Variants in USP38 observed in about 807,000 individuals in gnomAD.
USP38 encodes the protein ubiquitin carboxyl-terminal hydrolase 38.
USP38 carries 49 observed loss-of-function variants against 94.3 expected under a neutral mutation model. The ratio of observed to expected loss-of-function variants is 0.52; its 90% confidence interval spans 0.41 to 0.66. USP38 has a LOEUF of 0.66. USP38 is among the 30% of genes least tolerant of loss of function. The probability of loss-of-function intolerance (pLI) is 0.00; values close to 1 mark genes in which losing one functional copy is unlikely to be tolerated. For synonymous variants in USP38, 468 were observed against 463.6 expected, an observed-to-expected ratio of 1.01 and a Z score of -0.12; for missense variants, 1,128 against 1,229.4, an observed-to-expected ratio of 0.92 and a Z score of 1.23.
chr4:143,196,464 A>G (rs1232522533), intron 3 of USP38, among the ~76,000 whole-genome samples: 1 of 152,134 alleles, frequency 6.6e-6, no homozygotes, highest in Non-Finnish European at 1.5e-5. Context: ...CTCAAGAGTC[A>G]TTTCTCAGGC....
intron 2 of USP38, among the ~76,000 whole-genome samples, chr4:143,192,928 C>G (rs1405973648): frequency 6.6e-6 from 1 of 152,166 alleles, no homozygotes; most frequent in Non-Finnish European, 1.5e-5. Flanking sequence ...AAAAGGCTGA[C>G]TGAGTAATGA....
rs955170028 is a variant in USP38, at chr4:143,221,367, A to G, written c.*911A>G. 13 of 152,720 alleles carry G rather than the reference A, an allele frequency of 8.5e-5. No homozygotes were observed. Among genetic ancestry groups the G allele is most frequent in the Non-Finnish European group, 1.8e-4 (12 of 68,002 alleles). 9.5% of individuals were successfully genotyped at this position (152,720 alleles called of 1,614,324 possible). A position where few individuals can be genotyped will look rare whatever the true frequency, so the allele number is the denominator to read the frequency against. ...AAGTAAAATCTGATGGTTCTAAATC[A>G]ATCAATGTGATAGTTCATTTTTAAC... is the stretch of plus-strand genomic sequence containing the variant. On this transcript the variant is annotated 3_prime_UTR_variant, in exon 10 of 10. Coordinates refer to ENST00000307017, the MANE Select transcript of USP38 (RefSeq NM_032557.6).
chr4:143,214,069 AC>A lies in USP38; in HGVS notation c.2094del (p.Asn698LysfsTer21). 6.2e-7 allele frequency: 1 copy of A among 1,613,626 alleles called. No individual in the cohort carries two copies. Among genetic ancestry groups the A allele is most frequent in the Non-Finnish European group, 8.5e-7 (1 of 1,179,810 alleles). On this transcript the variant is annotated frameshift_variant, in exon 9 of 10. Coordinates refer to ENST00000307017, the MANE Select transcript of USP38 (RefSeq NM_032557.6). LOFTEE classifies it high-confidence loss of function. ...AACACTTCTGTCCCTAACGAATCTAACAAGATTCTTGTTAATAAAGATGTAC... is the reference window on the plus strand; with the variant it reads ...AACACTTCTGTCCCTAACGAATCTAAAAGATTCTTGTTAATAAAGATGTAC... The part of the protein sequence containing the change: ...SENTSVPNES[N>X]KILVNKDVPQ...
At chr4:143,188,004 G>A in intron 2 of USP38, 43 bp downstream of exon 2, 10 of 1,559,506 alleles carry the variant, frequency 6.4e-6, no homozygotes, top group Non-Finnish European at 6.9e-6. Context: ...TAGATTTGGG[G>A]AAGAGGAAGT....
intron 2 of USP38, among the ~76,000 whole-genome samples, chr4:143,195,480 G>C (rs1731516911): frequency 6.6e-6 from 1 of 152,142 alleles, no homozygotes; most frequent in African/African-American, 2.4e-5. Context: ...TAATTTATCA[G>C]AAATTCTTTT....
rs1731213326 is a variant in USP38 at position 143,186,042 on chromosome 4, G to C, written c.592G>C (p.Val198Leu). The change falls in exon 1 of 10, where the codon GTG (valine) becomes CTG (leucine). Residue 198 changes from valine (V) to leucine (L), a missense_variant. Coordinates refer to ENST00000307017, the MANE Select transcript of USP38 (RefSeq NM_032557.6). ...GGAATATGTCTCCCAGGTGACAAAA[G>C]TGAGTAACTTGCTGCAGAACATCTG... ...LREYVSQVTK[V>L]SNLLQNIWKA... 1 of 1,614,074 alleles carries C rather than the reference G, an allele frequency of 6.2e-7. No homozygotes were observed. The highest frequency in any genetic ancestry group is 8.5e-7 in the Non-Finnish European group (1 of 1,180,048).
intron 7 of USP38, among the ~76,000 whole-genome samples, chr4:143,211,821 A>C (rs1191672185): frequency 6.6e-6 from 1 of 152,224 alleles, no homozygotes; most frequent in Non-Finnish European, 1.5e-5. Context: ...CAATCTGCAC[A>C]TATATGACAT....
chr4:143,220,963 A>G lies in USP38; in HGVS notation c.*507A>G, dbSNP rs1373412321. 3 of 152,552 alleles carry G rather than the reference A, an allele frequency of 2.0e-5. No homozygotes were observed. The East Asian group carries it at 5.8e-4, about 29-fold the overall frequency. 9.4% of individuals were successfully genotyped at this position (152,552 alleles called of 1,614,324 possible). A position where few individuals can be genotyped will look rare whatever the true frequency, so the allele number is the denominator to read the frequency against. On this transcript the variant is annotated 3_prime_UTR_variant, in exon 10 of 10. Transcript: ENST00000307017. Reference sequence around the variant, plus strand: ...AAAGAAGGCAATAACAAAATTTATCAAGATATAGTACTTTTCAGTTTTTGT... The same window carrying G: ...AAAGAAGGCAATAACAAAATTTATCGAGATATAGTACTTTTCAGTTTTTGT...
At chr4:143,203,129 A>G (rs1050451489) in intron 4 of USP38, among the ~76,000 whole-genome samples, 1 of 152,128 alleles carries the variant, frequency 6.6e-6, no homozygotes, top group Non-Finnish European at 1.5e-5. Flanking sequence ...GAATGGTGGC[A>G]ATGACTAAGA....
rs753878170 is a variant in USP38 at position 143,209,632 on chromosome 4, T to C, written c.1472T>C (p.Leu491Pro). The change falls in exon 7 of 10, where the codon CTT becomes CCT. Residue 491 changes from leucine to proline, a missense_variant. Leu to Pro is a moderately conservative substitution (Grantham distance 98). Coordinates refer to ENST00000307017, the MANE Select transcript of USP38 (RefSeq NM_032557.6). ...TCATTAATGAAAAAATTACAGCATC[T>C]TTTTGCCTTTCTGGCCCATACACAG... Reference protein sequence around the residue: ...CNSLMKKLQHLFAFLAHTQRE... With the variant: ...CNSLMKKLQHPFAFLAHTQRE... 4 of 1,609,126 alleles carry C rather than the reference T, an allele frequency of 2.5e-6. No individual in the cohort carries two copies. The highest frequency in any genetic ancestry group is 3.4e-6 in the Non-Finnish European group (4 of 1,176,424).
chr4:143,186,224 T>TA, intron 1 of USP38, 92 bp downstream of exon 1: 2 of 1,347,410 alleles, frequency 1.5e-6, no homozygotes, highest in Admixed American at 2.1e-5. Context: ...CCTCCTGCCC[T>TA]AAAAACATTC....
intron 2 of USP38, among the ~76,000 whole-genome samples, chr4:143,188,317 ATACTT>A (rs565893321): frequency 2.0e-5 from 3 of 151,710 alleles, no homozygotes; most frequent in Non-Finnish European, 2.9e-5. Flanking sequence ...TAGTAAGTAT[ATACTT>A]TACTTTCTCT....
At chr4:143,189,226 A>G (rs535164259) in intron 2 of USP38, among the ~76,000 whole-genome samples, 7 of 151,948 alleles carry the variant, frequency 4.6e-5, no homozygotes, top group Non-Finnish European at 1.0e-4. Flanking sequence ...TAGTTCACTA[A>G]TTTTCTCTTC....
chr4:143,192,820 T>A (rs151188496), intron 2 of USP38, among the ~76,000 whole-genome samples: 1 of 152,278 alleles, frequency 6.6e-6, no homozygotes, highest in Non-Finnish European at 1.5e-5. Flanking sequence ...ACATCTGATA[T>A]GAAGTTTATT....
chr4:143,208,339 T>G (rs931942053), intron 6 of USP38, among the ~76,000 whole-genome samples: 2 of 152,138 alleles, frequency 1.3e-5, no homozygotes, highest in Non-Finnish European at 2.9e-5. Context: ...ATAATTAACA[T>G]CTCTCTGCCC....
intron 3 of USP38, 46 bp from the exon 4 acceptor site, chr4:143,197,777 G>C (rs370336302): frequency 1.5e-4 from 208 of 1,367,330 alleles, no homozygotes; most frequent in Non-Finnish European, 2.1e-4. Context: ...TTGGATTAAT[G>C]ATTTTCCTGC....
chr4:143,203,333 T>G, intron 4 of USP38, 75 bp from the exon 5 acceptor site: 1 of 1,416,224 alleles, frequency 7.1e-7, no homozygotes. Context: ...ATATCGTTTG[T>G]GTTCTGTTTG....
intron 7 of USP38, among the ~76,000 whole-genome samples, chr4:143,210,650 G>A (rs151220092): frequency 2.6e-5 from 4 of 151,076 alleles, no homozygotes; most frequent in African/African-American, 7.3e-5. Context: ...CTATACACAT[G>A]AGTAATATAT....
chr4:143,211,631 T>G (rs750882224), intron 7 of USP38, among the ~76,000 whole-genome samples: 7 of 152,200 alleles, frequency 4.6e-5, no homozygotes, highest in Non-Finnish European at 8.8e-5. Flanking sequence ...AATCAAAATG[T>G]CAAGAGAATT....
Sources: allele counts gnomAD v4.1 joint callset (sites outside exome capture counted in the v4.1 genomes callset), GRCh38; gene constraint gnomAD v4.1.1; transcripts MANE v1.5; gene names NCBI Gene and HGNC (gene_info 2026-07-23, HGNC 2026-07-21).